The following GMDS variants were observed in gnomAD, a reference collection of about 807,000 sequenced individuals.
The protein encoded by GMDS is GDP-mannose 4,6-dehydratase, also known as GDP-mannose 4,6 dehydratase.
A neutral mutation model predicts 49.9 loss-of-function variants in GMDS; 20 were observed. That is an observed-to-expected ratio of 0.40 (90% CI 0.28 to 0.58). The LOEUF (loss-of-function observed/expected upper bound fraction) is 0.58, where lower values mean the gene tolerates loss of function less well. Among genes scored for constraint, GMDS ranks in the 20% least tolerant of loss-of-function variants. GMDS has a pLI of 0.42. For synonymous variants in GMDS, 177 were observed against 178.6 expected (o/e 0.99, Z 0.07); for missense variants, 362 against 481.4 (o/e 0.75, Z 2.32).
chr6:1,891,349 G>A (rs1362734866), intron 7 of GMDS, among the ~76,000 whole-genome samples: 1 of 152,226 alleles, frequency 6.6e-6, no homozygotes, highest in African/African-American at 2.4e-5. Context: ...CTAGTGGCCA[G>A]AGAAGAGGAG....
intron 4 of GMDS, among the ~76,000 whole-genome samples, chr6:2,088,477 A>G (rs1462683394): frequency 6.6e-6 from 1 of 152,228 alleles, no homozygotes; most frequent in Non-Finnish European, 1.5e-5. Context: ...TATCAACCTC[A>G]TCTTGCCTGA....
intron 4 of GMDS, among the ~76,000 whole-genome samples, chr6:2,030,846 G>A (rs541705629): frequency 1.2e-4 from 19 of 152,268 alleles, no homozygotes; most frequent in Non-Finnish European, 2.6e-4. Flanking sequence ...TATAGCATAT[G>A]TTTCACTAAA....
chr6:1,912,302 G>A (rs1309565700), intron 7 of GMDS, among the ~76,000 whole-genome samples: 1 of 152,174 alleles, frequency 6.6e-6, no homozygotes, highest in African/African-American at 2.4e-5. Flanking sequence ...GGAGGCAGAG[G>A]TTGCAGTGAA....
intron 7 of GMDS, among the ~76,000 whole-genome samples, chr6:1,847,771 G>C (rs1221270057): frequency 6.6e-6 from 1 of 152,080 alleles, no homozygotes; most frequent in South Asian, 2.1e-4. Context: ...CTAATCAGTT[G>C]GTAAGTTCTA....
chr6:1,891,204 C>T (rs1759852258), intron 7 of GMDS, among the ~76,000 whole-genome samples: 3 of 152,166 alleles, frequency 2.0e-5, no homozygotes, highest in African/African-American at 7.2e-5. Context: ...GTTGTTTTCA[C>T]TCATCCTTTC....
chr6:2,215,474 C>T (rs867890260), intron 1 of GMDS, among the ~76,000 whole-genome samples: 13 of 150,088 alleles, frequency 8.7e-5, no homozygotes, highest in Middle Eastern at 7.2e-3. Flanking sequence ...ACCACAAGAA[C>T]AGCATGGGGG....
intron 4 of GMDS, among the ~76,000 whole-genome samples, chr6:2,080,752 G>T (rs766743656): frequency 7.9e-5 from 12 of 152,116 alleles, no homozygotes; most frequent in Non-Finnish European, 1.5e-4. Context: ...GTGTACACTG[G>T]CACTGGTGTT....
intron 9 of GMDS, among the ~76,000 whole-genome samples, chr6:1,719,679 A>G (rs1240312310): frequency 6.6e-6 from 1 of 151,986 alleles, no homozygotes; most frequent in East Asian, 1.9e-4. Flanking sequence ...GTCATCGGCC[A>G]AAGATGAAAA....
chr6:1,684,831 G>A (rs1371472349), intron 9 of GMDS, among the ~76,000 whole-genome samples: 1 of 152,028 alleles, frequency 6.6e-6, no homozygotes, highest in African/African-American at 2.4e-5. Flanking sequence ...TTAAAGCTGG[G>A]GGTTAAACCG....
At chr6:2,095,758 T>C (rs971075853) in intron 4 of GMDS, among the ~76,000 whole-genome samples, 2 of 152,198 alleles carry the variant, frequency 1.3e-5, no homozygotes, top group African/African-American at 4.8e-5. Context: ...CATTTGAACA[T>C]AAACTCAATC....
intron 4 of GMDS, among the ~76,000 whole-genome samples, chr6:2,025,285 A>G (rs896616256): frequency 6.6e-6 from 1 of 151,974 alleles, no homozygotes; most frequent in African/African-American, 2.4e-5. Context: ...TGCCATTAAG[A>G]TCTTATATAT....
intron 1 of GMDS, among the ~76,000 whole-genome samples, chr6:2,171,804 AC>A (rs1203280048): frequency 6.6e-6 from 1 of 151,216 alleles, no homozygotes; most frequent in East Asian, 1.9e-4. Flanking sequence ...GCAAAGAGCC[AC>A]AATGAAAGAA....
intron 4 of GMDS, among the ~76,000 whole-genome samples, chr6:2,095,563 G>A (rs1773549133): frequency 6.6e-6 from 1 of 152,156 alleles, no homozygotes; most frequent in African/African-American, 2.4e-5. Flanking sequence ...AATCAGAAGA[G>A]CTTGTGCTTT....
chr6:2,085,700 GTAT>G (rs1772972139), intron 4 of GMDS, among the ~76,000 whole-genome samples: 1 of 151,972 alleles, frequency 6.6e-6, no homozygotes, highest in Admixed American at 6.6e-5. Context: ...GCTAATTTTT[GTAT>G]TTTTTGTAGA....
chr6:1,689,146 T>C (rs373041606), intron 9 of GMDS, among the ~76,000 whole-genome samples: 164 of 152,324 alleles, frequency 1.1e-3, no homozygotes, highest in African/African-American at 3.8e-3. Context: ...GTGTCAGATA[T>C]ATATTTTTAA....
At chr6:1,898,563 G>A (rs747276858) in intron 7 of GMDS, among the ~76,000 whole-genome samples, 3 of 152,170 alleles carry the variant, frequency 2.0e-5, no homozygotes, top group East Asian at 1.9e-4. Flanking sequence ...CTGTAGGGGC[G>A]CAGCAGTGAA....
intron 4 of GMDS, among the ~76,000 whole-genome samples, chr6:2,050,157 G>A (rs1770293083): frequency 6.6e-6 from 1 of 151,924 alleles, no homozygotes; most frequent in Non-Finnish European, 1.5e-5. Context: ...AAAGAGAGAA[G>A]AATCGAATAG....
intron 9 of GMDS, among the ~76,000 whole-genome samples, chr6:1,645,470 G>A (rs1455894608): frequency 1.3e-5 from 2 of 152,200 alleles, no homozygotes; most frequent in Non-Finnish European, 2.9e-5. Flanking sequence ...TGCACGGCAT[G>A]CTCGAGTGCC....
chr6:1,639,522 C>G (rs1763264296), intron 9 of GMDS, among the ~76,000 whole-genome samples: 1 of 152,240 alleles, frequency 6.6e-6, no homozygotes, highest in African/African-American at 2.4e-5. Context: ...AAGTGGAACT[C>G]TCTCGTTTGC....
Sources: allele counts gnomAD v4.1 joint callset (sites outside exome capture counted in the v4.1 genomes callset), GRCh38; gene constraint gnomAD v4.1.1; transcripts MANE v1.5; gene names NCBI Gene and HGNC (gene_info 2026-07-23, HGNC 2026-07-21).